Variants in SCGB2B2 observed in about 807,000 individuals in gnomAD.
SCGB2B2 encodes the protein secretoglobin family 2B member 2.
SCGB2B2 carries 11 observed loss-of-function variants against 7.6 expected under a neutral mutation model. The ratio of observed to expected loss-of-function variants is 1.45; its 90% confidence interval spans 0.91 to 2.40. SCGB2B2 has a LOEUF of 2.40. SCGB2B2 is among the 30% of genes most tolerant of loss of function. The pLI is 0.00. For missense variants in SCGB2B2, 104 were observed against 115.4 expected, an observed-to-expected ratio of 0.90 and a Z score of 0.45; for synonymous variants, 50 against 48.6, an observed-to-expected ratio of 1.03 and a Z score of -0.12.
At chr19:34,593,679 G>A (rs180842802) in intron 3 of SCGB2B2, 80 bp from the exon 4 acceptor site, 58 of 1,083,904 alleles carry the variant, frequency 5.4e-5, no homozygotes, top group Non-Finnish European at 6.2e-5. Flanking sequence ...CCCGGTCCCC[G>A]AGCTCAGAGG....
chr19:34,668,471 C>T (rs547327552), intron 1 of SCGB2B2, among the ~76,000 whole-genome samples: 4 of 152,292 alleles, frequency 2.6e-5, no homozygotes, highest in East Asian at 1.9e-4. Context: ...CCGAGACGAG[C>T]GCCGCCCCCT....
At chr19:34,671,469 T>C (rs935937873) in intron 1 of SCGB2B2, among the ~76,000 whole-genome samples, 1 of 152,210 alleles carries the variant, frequency 6.6e-6, no homozygotes, top group African/African-American at 2.4e-5. Context: ...TCTAAGTGCT[T>C]TGTATTTTCA....
chr19:34,669,107 C>T (rs1193496358), intron 1 of SCGB2B2, among the ~76,000 whole-genome samples: 2 of 152,150 alleles, frequency 1.3e-5, no homozygotes, highest in African/African-American at 2.4e-5. Flanking sequence ...AGCGAGACCA[C>T]GAACCCACCA....
downstream of SCGB2B2, among the ~76,000 whole-genome samples, chr19:34,589,162 TCAA>T (rs2065244808): frequency 6.6e-6 from 1 of 151,978 alleles, no homozygotes; most frequent in African/African-American, 2.4e-5. Context: ...TATGGGAAGG[TCAA>T]CACTTAGACG....
chr19:34,603,782 T>C (rs1395317967), intron 1 of SCGB2B2, among the ~76,000 whole-genome samples: 1 of 144,548 alleles, frequency 6.9e-6, no homozygotes, highest in Non-Finnish European at 1.5e-5. Context: ...TCTTATTTTT[T>C]AATGTTTTAT....
chr19:34,632,425 G>A (rs6510439), intron 1 of SCGB2B2, among the ~76,000 whole-genome samples: 79,673 of 152,038 alleles, frequency 0.52, 22,336 homozygotes, highest in African/African-American at 0.73. Context: ...ATAAAGAAAA[G>A]AGTTTAAATG....
chr19:34,632,931 T>C, intron 1 of SCGB2B2: 1 of 152,522 alleles, frequency 6.6e-6, no homozygotes, highest in Non-Finnish European at 1.5e-5. Context: ...CCCACGCCAA[T>C]ATCTCTCCTG....
chr19:34,602,568 T>C (rs1192771103), intron 1 of SCGB2B2, among the ~76,000 whole-genome samples: 10 of 152,084 alleles, frequency 6.6e-5, no homozygotes, highest in Admixed American at 5.9e-4. Flanking sequence ...TGGGTTGATA[T>C]ATTGGAGATA....
At chr19:34,590,182 A>G (rs140074246), downstream of SCGB2B2, among the ~76,000 whole-genome samples, 154 of 152,202 alleles carry the variant, frequency 1.0e-3, 1 homozygote, top group African/African-American at 3.6e-3. Context: ...CACATTACAC[A>G]GGAGAGGACT....
At chr19:34,660,744 T>C (rs2146133360) in intron 1 of SCGB2B2, among the ~76,000 whole-genome samples, 2 of 152,322 alleles carry the variant, frequency 1.3e-5, no homozygotes, top group Non-Finnish European at 2.9e-5. Flanking sequence ...GAACTAGAAA[T>C]ACCATTTGAC....
At chr19:34,599,547 C>T (rs1030285773) in intron 1 of SCGB2B2, among the ~76,000 whole-genome samples, 2 of 152,164 alleles carry the variant, frequency 1.3e-5, no homozygotes, top group Non-Finnish European at 2.9e-5. Flanking sequence ...CATCAGATCT[C>T]GTGAGACTTA....
At chr19:34,598,352 C>T (rs2065521666) in intron 1 of SCGB2B2, among the ~76,000 whole-genome samples, 1 of 152,208 alleles carries the variant, frequency 6.6e-6, no homozygotes, top group African/African-American at 2.4e-5. Context: ...GTCCCTCAGC[C>T]AAGGCACAGG....
intron 1 of SCGB2B2, among the ~76,000 whole-genome samples, chr19:34,639,756 C>G (rs16969586): frequency 6.6e-6 from 1 of 152,198 alleles, no homozygotes; most frequent in African/African-American, 2.4e-5. Flanking sequence ...TTCCTCTTCA[C>G]TGGTTTAGAT....
chr19:34,623,221 C>G (rs2066283576), intron 1 of SCGB2B2, among the ~76,000 whole-genome samples: 1 of 152,118 alleles, frequency 6.6e-6, no homozygotes, highest in African/African-American at 2.4e-5. Context: ...AACCTAACAT[C>G]CTTCCAGCAG....
chr19:34,605,212 T>G lies in SCGB2B2; in HGVS notation c.-2031-8618A>C, dbSNP rs566679937. Among the ~76,000 whole-genome samples, 21 of 152,356 alleles carry G rather than the reference T, an allele frequency of 1.4e-4. No homozygotes were observed. The East Asian group carries it at 3.3e-3, about 24-fold the overall frequency. On this transcript the variant is annotated intron_variant, in intron 1 of 3. Transcript: ENST00000601241. ...TGGTCTTGTGTGTATCAATACTTCA[T>G]AGCTTTTTGAGTCTTAAATGTTAAA...
At chr19:34,627,602 C>T (rs1475378151) in intron 1 of SCGB2B2, among the ~76,000 whole-genome samples, 1 of 152,156 alleles carries the variant, frequency 6.6e-6, no homozygotes, top group Non-Finnish European at 1.5e-5. Context: ...TACAGGAGCA[C>T]CCAGATTCAT....
At chr19:34,625,237 G>A (rs148726496) in intron 1 of SCGB2B2, among the ~76,000 whole-genome samples, 2,973 of 152,280 alleles carry the variant, frequency 0.02, 44 homozygotes, top group East Asian at 0.067. Flanking sequence ...CTGAGGTACC[G>A]GGTTCATCTC....
intron 1 of SCGB2B2, chr19:34,635,095 T>C (rs528356630): frequency 6.5e-5 from 19 of 290,330 alleles, no homozygotes; most frequent in Admixed American, 1.5e-4. Context: ...ACTACACTTA[T>C]AAGGCTTTGC....
chr19:34,622,078 C>CA (rs1367079420), intron 1 of SCGB2B2, among the ~76,000 whole-genome samples: 1 of 152,192 alleles, frequency 6.6e-6, no homozygotes, highest in Non-Finnish European at 1.5e-5. Flanking sequence ...AGTCATTCCT[C>CA]ATGGTTAACT....
Sources: allele counts gnomAD v4.1 joint callset (sites outside exome capture counted in the v4.1 genomes callset), GRCh38; gene constraint gnomAD v4.1.1; transcripts MANE v1.5; gene names NCBI Gene and HGNC (gene_info 2026-07-23, HGNC 2026-07-21).